Variants in VTI1A observed in about 807,000 individuals in gnomAD.
The protein encoded by VTI1A is vesicle transport through interaction with t-SNAREs homolog 1A.
A neutral mutation model predicts 34.9 loss-of-function variants in VTI1A; 22 were observed. The observed-to-expected ratio is 0.63, with a 90% CI of 0.45 to 0.90. VTI1A has a LOEUF of 0.90. VTI1A is among the 40% of genes least tolerant of loss of function. The probability of loss-of-function intolerance (pLI) is 0.00; values close to 1 mark genes in which losing one functional copy is unlikely to be tolerated. For synonymous variants in VTI1A, 87 were observed against 97.3 expected, an observed-to-expected ratio of 0.89 and a Z score of 0.62; for missense variants, 268 against 275.6, an observed-to-expected ratio of 0.97 and a Z score of 0.20.
chr10:112,742,701 C>T (rs1261027330), intron 7 of VTI1A, among the ~76,000 whole-genome samples: 1 of 152,144 alleles, frequency 6.6e-6, no homozygotes, highest in African/African-American at 2.4e-5. Flanking sequence ...GAAAAGATTT[C>T]TAGTTGGCAT....
chr10:112,459,180 C>G (rs936339097), intron 1 of VTI1A, among the ~76,000 whole-genome samples: 7 of 152,154 alleles, frequency 4.6e-5, no homozygotes, highest in Non-Finnish European at 1.0e-4. Flanking sequence ...ATGGTAAAGT[C>G]AAGCTTTTAT....
intron 3 of VTI1A, among the ~76,000 whole-genome samples, chr10:112,488,139 C>T (rs555322711): frequency 6.6e-6 from 1 of 152,276 alleles, no homozygotes; most frequent in African/African-American, 2.4e-5. Flanking sequence ...CTTCATCCTG[C>T]ATTCTCCAAT....
intron 7 of VTI1A, among the ~76,000 whole-genome samples, chr10:112,783,709 T>C (rs1852202466): frequency 6.6e-6 from 1 of 152,210 alleles, no homozygotes; most frequent in South Asian, 2.1e-4. Flanking sequence ...ATTTGATGGA[T>C]TACTTTGTCA....
intron 7 of VTI1A, among the ~76,000 whole-genome samples, chr10:112,783,762 C>T (rs769669348): frequency 6.6e-6 from 1 of 152,176 alleles, no homozygotes; most frequent in East Asian, 1.9e-4. Flanking sequence ...GCCACCTTAA[C>T]CCTGGAGGCA....
chr10:112,799,956 TAG>T (rs34501795), intron 7 of VTI1A, among the ~76,000 whole-genome samples: 125 of 145,866 alleles, frequency 8.6e-4, no homozygotes, highest in Non-Finnish European at 8.3e-4. Context: ...GTTCTGATGT[TAG>T]AGAGAGAGAG....
chr10:112,778,741 T>A (rs1852024237), intron 7 of VTI1A, among the ~76,000 whole-genome samples: 1 of 152,116 alleles, frequency 6.6e-6, no homozygotes, highest in Non-Finnish European at 1.5e-5. Flanking sequence ...ATACAACATA[T>A]GGGCAAAGGT....
chr10:112,803,846 G>A, intron 7 of VTI1A, among the ~76,000 whole-genome samples: 1 of 152,218 alleles, frequency 6.6e-6, no homozygotes, highest in East Asian at 1.9e-4. Context: ...AGACCTGTGA[G>A]GAGTTAAATA....
At chr10:112,593,745 TA>T (rs1844492952) in intron 5 of VTI1A, among the ~76,000 whole-genome samples, 1 of 152,134 alleles carries the variant, frequency 6.6e-6, no homozygotes, top group Non-Finnish European at 1.5e-5. Context: ...TTATTTTTTT[TA>T]TTTTTTTTGA....
chr10:112,571,490 G>A (rs1852118190), intron 5 of VTI1A, among the ~76,000 whole-genome samples: 1 of 152,142 alleles, frequency 6.6e-6, no homozygotes, highest in African/African-American at 2.4e-5. Context: ...AAAAATAACA[G>A]ATATTGGCGA....
intron 5 of VTI1A, among the ~76,000 whole-genome samples, chr10:112,577,236 A>G (rs1429510531): frequency 6.6e-6 from 1 of 152,162 alleles, no homozygotes; most frequent in African/African-American, 2.4e-5. Context: ...CTGTACTATC[A>G]CATCTAGGGG....
intron 7 of VTI1A, among the ~76,000 whole-genome samples, chr10:112,812,432 G>T (rs937894929): frequency 1.3e-5 from 2 of 152,188 alleles, no homozygotes; most frequent in Admixed American, 1.3e-4. Flanking sequence ...TCCGAGCTCT[G>T]CATTCCTTTC....
intron 5 of VTI1A, among the ~76,000 whole-genome samples, chr10:112,638,447 A>G (rs1322979908): frequency 6.6e-6 from 1 of 152,212 alleles, no homozygotes; most frequent in Non-Finnish European, 1.5e-5. Context: ...TTACACCCTA[A>G]ACATTTACTT....
At chr10:112,659,723 A>G (rs1470387710) in intron 5 of VTI1A, among the ~76,000 whole-genome samples, 1 of 152,316 alleles carries the variant, frequency 6.6e-6, no homozygotes, top group East Asian at 1.9e-4. Context: ...ACACACACAC[A>G]CACGCGCACG....
At chr10:112,769,551 C>T (rs1048139343) in intron 7 of VTI1A, among the ~76,000 whole-genome samples, 4 of 152,216 alleles carry the variant, frequency 2.6e-5, no homozygotes, top group Admixed American at 6.5e-5. Flanking sequence ...GGGTGCACCA[C>T]CCCTCCATAA....
chr10:112,783,237 G>A (rs913950840), intron 7 of VTI1A, among the ~76,000 whole-genome samples: 1 of 152,236 alleles, frequency 6.6e-6, no homozygotes, highest in Non-Finnish European at 1.5e-5. Flanking sequence ...CATTGATTAA[G>A]CGGACTTGAA....
intron 3 of VTI1A, among the ~76,000 whole-genome samples, chr10:112,482,192 T>A (rs1436123824): frequency 6.6e-6 from 1 of 152,166 alleles, no homozygotes; most frequent in East Asian, 1.9e-4. Flanking sequence ...ATTTTCTCAG[T>A]TTTTTAACAT....
chr10:112,604,718 A>C (rs887057702), intron 5 of VTI1A, among the ~76,000 whole-genome samples: 1 of 152,214 alleles, frequency 6.6e-6, no homozygotes, highest in African/African-American at 2.4e-5. Flanking sequence ...ACTATGTGTA[A>C]GTTAAAAGCC....
In VTI1A at chr10:112,648,549, A is replaced by G. The variant is rs144426055; in HGVS notation, c.428-19669A>G. Among the ~76,000 whole-genome samples the G allele has an allele frequency of 4.9e-3, 747 of 152,334 alleles. 7 individuals carry two copies. Among genetic ancestry groups the G allele is most frequent in the African/African-American group, 0.018 (730 of 41,574 alleles). ...AATGAAGTTCATGAGAATATTATAC[A>G]TAGTTCAAAAAGAGGTTCATTTTTC... is the stretch of plus-strand genomic sequence containing the variant. On this transcript the variant is annotated intron_variant, in intron 5 of 7. Coordinates refer to ENST00000393077, the MANE Select transcript of VTI1A (RefSeq NM_145206.4).
At chr10:112,476,353 G>C (rs1197548372) in intron 3 of VTI1A, among the ~76,000 whole-genome samples, 1 of 152,162 alleles carries the variant, frequency 6.6e-6, no homozygotes, top group African/African-American at 2.4e-5. Context: ...TAGTTTAAAA[G>C]ACAAACCTTT....
Sources: allele counts gnomAD v4.1 joint callset (sites outside exome capture counted in the v4.1 genomes callset), GRCh38; gene constraint gnomAD v4.1.1; transcripts MANE v1.5; gene names NCBI Gene and HGNC (gene_info 2026-07-23, HGNC 2026-07-21).